Variants in TSPAN5 observed in about 807,000 individuals in gnomAD.
TSPAN5 encodes tetraspanin-5.
Under a neutral mutation model 37.1 loss-of-function variants are expected in TSPAN5, and 10 were observed. The observed-to-expected ratio is 0.27, with a 90% CI of 0.17 to 0.46. The LOEUF (loss-of-function observed/expected upper bound fraction) is 0.46. Ranked by LOEUF, TSPAN5 falls within the 20% of genes least tolerant of loss-of-function variation. The pLI is 1.00. For synonymous variants in TSPAN5, 110 were observed against 118.9 expected (o/e 0.93, Z 0.48); for missense variants, 195 against 326.6 (o/e 0.60, Z 3.11).
intron 1 of TSPAN5, among the ~76,000 whole-genome samples, chr4:98,595,529 G>A (rs1273900726): frequency 1.6e-5 from 2 of 126,934 alleles, no homozygotes; most frequent in Non-Finnish European, 3.2e-5. Context: ...TGTGATGTTA[G>A]GGTGTCAATT....
At chr4:98,613,016 C>T (rs1276801582) in intron 1 of TSPAN5, among the ~76,000 whole-genome samples, 1 of 152,190 alleles carries the variant, frequency 6.6e-6, no homozygotes, top group African/African-American at 2.4e-5. Flanking sequence ...CATCTGGCTT[C>T]CTCACAGACG....
chr4:98,486,188 TCAGA>T (rs1752954049), intron 3 of TSPAN5, among the ~76,000 whole-genome samples: 1 of 152,148 alleles, frequency 6.6e-6, no homozygotes, highest in African/African-American at 2.4e-5. Flanking sequence ...AAACATTCAC[TCAGA>T]CAGTGATCAC....
At chr4:98,607,005 G>A (rs544511057) in intron 1 of TSPAN5, among the ~76,000 whole-genome samples, 108 of 152,286 alleles carry the variant, frequency 7.1e-4, no homozygotes, top group South Asian at 1.2e-3. Context: ...GTGTGGCAGG[G>A]GGAGGTGGTG....
intron 1 of TSPAN5, among the ~76,000 whole-genome samples, chr4:98,543,700 G>A (rs962353872): frequency 6.6e-6 from 1 of 151,974 alleles, no homozygotes; most frequent in African/African-American, 2.4e-5. Flanking sequence ...GATTACAGGT[G>A]TGAGCCACTG....
chr4:98,502,985 G>A (rs1260731677), intron 2 of TSPAN5, among the ~76,000 whole-genome samples: 3 of 151,894 alleles, frequency 2.0e-5, no homozygotes, highest in Non-Finnish European at 4.4e-5. Flanking sequence ...AGGACAGTCT[G>A]CCTTAGCAGA....
chr4:98,502,453 A>C (rs1753373984), intron 2 of TSPAN5, among the ~76,000 whole-genome samples: 2 of 152,192 alleles, frequency 1.3e-5, no homozygotes, highest in South Asian at 4.1e-4. Flanking sequence ...GGAAACCAGG[A>C]GAGTGTGATA....
intron 1 of TSPAN5, among the ~76,000 whole-genome samples, chr4:98,569,334 G>C (rs990646172): frequency 4.6e-5 from 7 of 152,228 alleles, no homozygotes; most frequent in African/African-American, 1.7e-4. Context: ...ACACGATGGA[G>C]AGATTAGCTC....
At chr4:98,502,216 CA>C (rs1175042585) in intron 2 of TSPAN5, among the ~76,000 whole-genome samples, 1 of 152,172 alleles carries the variant, frequency 6.6e-6, no homozygotes, top group Non-Finnish European at 1.5e-5. Flanking sequence ...CCAGGCATTT[CA>C]GTGTGGATGC....
intron 1 of TSPAN5, among the ~76,000 whole-genome samples, chr4:98,583,548 AAAG>A (rs569496475): frequency 6.6e-6 from 1 of 152,374 alleles, no homozygotes; most frequent in East Asian, 1.9e-4. Context: ...TTGATGATTA[AAAG>A]GAGGAAGAAA....
At chr4:98,644,032 G>A (rs1230260124) in intron 1 of TSPAN5, among the ~76,000 whole-genome samples, 1 of 152,018 alleles carries the variant, frequency 6.6e-6, no homozygotes, top group Non-Finnish European at 1.5e-5. Context: ...GGTTTCTTGG[G>A]GTTTAGTTTT....
At chr4:98,625,040 G>A (rs1009813518) in intron 1 of TSPAN5, among the ~76,000 whole-genome samples, 2 of 152,150 alleles carry the variant, frequency 1.3e-5, no homozygotes, top group Non-Finnish European at 2.9e-5. Flanking sequence ...ACATAATAAT[G>A]ATAATAACAA....
rs570722219 is a variant in TSPAN5, at chr4:98,640,734, A to G, written c.81+17412T>C. Among the ~76,000 whole-genome samples the G allele has an allele frequency of 4.6e-5, 7 of 152,328 alleles. No homozygotes were observed. The South Asian group carries it at 1.4e-3, about 32-fold the overall frequency. On this transcript the variant is annotated intron_variant, in intron 1 of 7. Coordinates refer to ENST00000305798, the MANE Select transcript of TSPAN5 (RefSeq NM_005723.4). Reference sequence around the variant, plus strand: ...AAGCCTGGCATTAGTGACAAGTTCTATTATACAGGGTACACTTTTCTAACA... The same window carrying G: ...AAGCCTGGCATTAGTGACAAGTTCTGTTATACAGGGTACACTTTTCTAACA...
At chr4:98,530,845 C>A (rs1754065209) in intron 1 of TSPAN5, among the ~76,000 whole-genome samples, 1 of 151,986 alleles carries the variant, frequency 6.6e-6, no homozygotes, top group African/African-American at 2.4e-5. Context: ...GAGCTCAAGC[C>A]ATCCTCCTGC....
chr4:98,514,227 G>A (rs1385086450), intron 1 of TSPAN5, among the ~76,000 whole-genome samples: 3 of 152,184 alleles, frequency 2.0e-5, no homozygotes, highest in Non-Finnish European at 4.4e-5. Context: ...AGGGAGGCAA[G>A]GGGAGAAGTG....
chr4:98,475,833 C>CA (rs956917011), intron 7 of TSPAN5, among the ~76,000 whole-genome samples: 6 of 151,694 alleles, frequency 4.0e-5, no homozygotes, highest in African/African-American at 9.7e-5. Context: ...ATTAAAAATA[C>CA]AAAAAAATTA....
chr4:98,528,056 A>G (rs1753998950), intron 1 of TSPAN5, among the ~76,000 whole-genome samples: 1 of 152,206 alleles, frequency 6.6e-6, no homozygotes, highest in Admixed American at 6.5e-5. Flanking sequence ...CAATTGCCCA[A>G]CAGGCAGAGA....
intron 1 of TSPAN5, among the ~76,000 whole-genome samples, chr4:98,547,759 C>A (rs781571610): frequency 2.0e-5 from 3 of 152,084 alleles, no homozygotes; most frequent in South Asian, 2.1e-4. Context: ...GTAATCCCAG[C>A]ACTTTGGGAA....
rs1468736698 is a variant in TSPAN5 at position 98,471,224 on chromosome 4, A to G, written c.*1298T>C. On this transcript the variant is annotated 3_prime_UTR_variant, in exon 8 of 8. Transcript: ENST00000305798. ...CATGCACTATTTTCTTTTTTTAATA[A>G]AAGCAAACTAAAACTGGAGGAAGAA... 6.6e-6 allele frequency: 1 copy of G among 152,244 alleles called. No individual in the cohort carries two copies. The highest frequency in any genetic ancestry group is 1.5e-5 in the Non-Finnish European group (1 of 68,056). The allele number at this position is 152,244 out of a possible 1,614,324, so 9.4% of individuals were successfully genotyped here. A position where few individuals can be genotyped will look rare whatever the true frequency, so the allele number is the denominator to read the frequency against.
At chr4:98,479,785 A>C (rs1274617798) in intron 4 of TSPAN5, among the ~76,000 whole-genome samples, 1 of 152,196 alleles carries the variant, frequency 6.6e-6, no homozygotes, top group African/African-American at 2.4e-5. Context: ...TGCTAATCAT[A>C]GGTTGTGGAA....
Sources: allele counts gnomAD v4.1 joint callset (sites outside exome capture counted in the v4.1 genomes callset), GRCh38; gene constraint gnomAD v4.1.1; transcripts MANE v1.5; gene names NCBI Gene and HGNC (gene_info 2026-07-23, HGNC 2026-07-21).